BTG3: variants seen among roughly 807,000 people sequenced by gnomAD.
BTG3 encodes the protein protein BTG3.
Under a neutral mutation model 25.8 loss-of-function variants are expected in BTG3, and 4 were observed. The ratio of observed to expected loss-of-function variants is 0.16; its 90% CI spans 0.08 to 0.36. The LOEUF is 0.36. Ranked by LOEUF, BTG3 falls within the 10% of genes least tolerant of loss-of-function variation. BTG3 has a pLI of 1.00. For synonymous variants in BTG3, 107 were observed against 99.9 expected (o/e 1.07, Z -0.42); for missense variants, 201 against 304.9 (o/e 0.66, Z 2.54).
intron 3 of BTG3, among the ~76,000 whole-genome samples, chr21:17,601,857 T>C (rs764507529): frequency 1.3e-5 from 2 of 152,224 alleles, no homozygotes; most frequent in Admixed American, 6.5e-5. Context: ...TATCTAATGA[T>C]TGAAGGATCA....
chr21:17,602,042 TA>T (rs1325664241), intron 3 of BTG3, among the ~76,000 whole-genome samples: 1 of 152,200 alleles, frequency 6.6e-6, no homozygotes, highest in Non-Finnish European at 1.5e-5. Flanking sequence ...GGACAACTTT[TA>T]AACTTTCCAT....
intron 2 of BTG3, 121 bp downstream of exon 2, chr21:17,608,851 A>G (rs2061681514): frequency 2.1e-6 from 2 of 955,912 alleles, no homozygotes; most frequent in East Asian, 2.6e-5. Flanking sequence ...CAAACACCCC[A>G]GAGTTCTATA....
intron 4 of BTG3, among the ~76,000 whole-genome samples, chr21:17,595,991 A>G (rs1182165626): frequency 6.6e-6 from 1 of 152,010 alleles, no homozygotes; most frequent in East Asian, 1.9e-4. Flanking sequence ...AGTGTTTCAT[A>G]TGGATTTAAT....
At chr21:17,594,389 C>G (rs1003643532) in intron 4 of BTG3, 57 bp from the exon 5 acceptor site, 18 of 1,533,180 alleles carry the variant, frequency 1.2e-5, no homozygotes, top group Non-Finnish European at 1.6e-5. Context: ...CATCTATGTT[C>G]CAGATTTCTC....
chr21:17,599,213 T>C (rs1181218991), intron 3 of BTG3: 3 of 186,710 alleles, frequency 1.6e-5, no homozygotes, highest in Non-Finnish European at 3.3e-5. Context: ...TTTCACTCTG[T>C]TGCCCAGGCT....
At chr21:17,604,739 T>TGA (rs1181359294) in intron 3 of BTG3, 121 bp downstream of exon 3, 2 of 1,226,808 alleles carry the variant, frequency 1.6e-6, no homozygotes, top group East Asian at 5.1e-5. Context: ...AATTTACATC[T>TGA]GAGAGAGTTA....
chr21:17,599,762 G>A (rs1211085735), intron 3 of BTG3, among the ~76,000 whole-genome samples: 4 of 152,136 alleles, frequency 2.6e-5, no homozygotes, highest in Non-Finnish European at 4.4e-5. Flanking sequence ...TTATAGGCGT[G>A]AGCCATCACG....
intron 2 of BTG3, among the ~76,000 whole-genome samples, chr21:17,606,556 G>A (rs529416875): frequency 3.3e-5 from 5 of 152,190 alleles, no homozygotes; most frequent in African/African-American, 1.2e-4. Flanking sequence ...TATCTTAGAT[G>A]TATGTGTTTT....
At chr21:17,604,763 T>C in intron 3 of BTG3, 97 bp downstream of exon 3, 1 of 1,397,930 alleles carries the variant, frequency 7.2e-7, no homozygotes, top group Non-Finnish European at 9.5e-7. Context: ...CACCAGCTCC[T>C]GGCCATAAAG....
chr21:17,612,288 G>C, intron 1 of BTG3: 1 of 152,090 alleles, frequency 6.6e-6, no homozygotes, highest in East Asian at 2.0e-4. Flanking sequence ...CTGGGTTCGA[G>C]GACCCGGCTT....
chr21:17,604,043 T>C, intron 3 of BTG3: 1 of 985,314 alleles, frequency 1.0e-6, no homozygotes, highest in Non-Finnish European at 1.3e-6. Flanking sequence ...TCAAAAAGAT[T>C]TCATACCTAG....
chr21:17,602,691 T>A (rs1354271211), intron 3 of BTG3, among the ~76,000 whole-genome samples: 2 of 152,186 alleles, frequency 1.3e-5, no homozygotes, highest in African/African-American at 4.8e-5. Context: ...GCCTACTGAA[T>A]GAAAAGGTTT....
intron 4 of BTG3, among the ~76,000 whole-genome samples, chr21:17,598,119 G>A (rs979131826): frequency 6.6e-6 from 1 of 152,118 alleles, no homozygotes; most frequent in Admixed American, 6.5e-5. Context: ...GAATGGATCT[G>A]TAAGTGCAGG....
rs551416462 is a variant in BTG3 at position 17,594,323 on chromosome 21, G to A, written c.529C>T (p.Leu177Phe). The change falls in exon 5 of 5, where the codon CTT becomes TTT. Residue 177 changes from leucine (L) to phenylalanine (F), a missense_variant. Physicochemically the swap from Leu to Phe is conservative, Grantham distance 22. This residue lies in a region of BTG3 where 131 missense variants were observed against 129.3 expected (regional missense o/e 1.01). Transcript: ENST00000348354. ...AASPVYQISE[L>F]IFPPLPMWHP... The stretch of plus-strand genomic sequence containing the variant: ...CACATTGGAAGAGGTGGAAATATAA[G>A]TTCTGAAATCTGTAGGGAAGAGAAC... 14 of 1,612,768 alleles carry A rather than the reference G, an allele frequency of 8.7e-6. 1 individual carries two copies. The Admixed American group carries it at 2.0e-4, about 23-fold the overall frequency.
rs1296479967 is a variant in BTG3 at position 17,593,926 on chromosome 21, C to T, written c.*167G>A. ...TCAAACTATATCAATATCTAAAGTG[C>T]ATATATTTTTTAAGAAAGATTATTC... On this transcript the variant is annotated 3_prime_UTR_variant, in exon 5 of 5. Coordinates refer to ENST00000348354, the MANE Select transcript of BTG3 (RefSeq NM_006806.5). The T allele has an allele frequency of 1.2e-6, 1 of 869,568 alleles. No individual in the cohort carries two copies. Among genetic ancestry groups the T allele is most frequent in the East Asian group, 2.8e-5 (1 of 35,546 alleles). The allele number at this position is 869,568 out of a possible 1,614,324, so 53.9% of individuals were successfully genotyped here. A position where few individuals can be genotyped will look rare whatever the true frequency, so the allele number is the denominator to read the frequency against.
chr21:17,596,729 C>T (rs1456048825), intron 4 of BTG3, among the ~76,000 whole-genome samples: 1 of 151,172 alleles, frequency 6.6e-6, no homozygotes, highest in African/African-American at 2.5e-5. Flanking sequence ...CCAACTGATC[C>T]TCCTTTTTTA....
chr21:17,605,649 A>G (rs574551383), intron 2 of BTG3, among the ~76,000 whole-genome samples: 2 of 152,318 alleles, frequency 1.3e-5, no homozygotes, highest in South Asian at 4.1e-4. Flanking sequence ...AGTGAGGAAA[A>G]TTTCTAAACC....
At chr21:17,601,118 G>A (rs939435759) in intron 3 of BTG3, among the ~76,000 whole-genome samples, 6 of 151,154 alleles carry the variant, frequency 4.0e-5, no homozygotes, top group African/African-American at 7.3e-5. Flanking sequence ...AGCTGAGATC[G>A]CACCACTGCA....
At chr21:17,605,738 G>A (rs1365463199) in intron 2 of BTG3, among the ~76,000 whole-genome samples, 3 of 152,088 alleles carry the variant, frequency 2.0e-5, no homozygotes, top group African/African-American at 7.2e-5. Flanking sequence ...TAAAAAATAT[G>A]CATTCTGTTA....
Sources: gnomAD v4.1 joint callset for allele counts (sites outside exome capture counted in the v4.1 genomes callset) on GRCh38, gnomAD v4.1.1 for gene constraint, gnomAD v4.1.1 regional missense constraint, MANE v1.5 for transcripts, NCBI Gene and HGNC (gene_info 2026-07-23, HGNC 2026-07-21) for gene names.